The following RIC3 variants were observed in gnomAD, a reference collection of about 807,000 sequenced individuals.
The protein encoded by RIC3 is protein RIC-3.
A neutral mutation model predicts 27.3 loss-of-function variants in RIC3; 28 were observed. The ratio of observed to expected loss-of-function variants is 1.02; its 90% confidence interval spans 0.76 to 1.41. The LOEUF is 1.41. Ranked by LOEUF, RIC3 falls within the 40% of genes most tolerant of loss-of-function variation. RIC3 has a pLI of 0.00. For missense variants in RIC3, 501 were observed against 444.7 expected, an observed-to-expected ratio of 1.13 and a Z score of -1.14; for synonymous variants, 184 against 160.4, an observed-to-expected ratio of 1.15 and a Z score of -1.11.
In RIC3 at chr11:8,106,612, A is replaced by C. The variant is rs1944691940; in HGVS notation, c.*4086T>G. On this transcript the variant is annotated 3_prime_UTR_variant, in exon 6 of 6. Coordinates refer to ENST00000309737, the MANE Select transcript of RIC3 (RefSeq NM_001206671.4). ...GCTGTAGAGATGAAAAAGGTATAAA[A>C]GACCCAACCACTTGATGTCTCAGGG... 1 of 152,288 alleles carries C rather than the reference A, an allele frequency of 6.6e-6. No individual in the cohort carries two copies. Among genetic ancestry groups the C allele is most frequent in the African/African-American group, 2.4e-5 (1 of 41,474 alleles). The allele number at this position is 152,288 out of a possible 1,614,324, so 9.4% of individuals were successfully genotyped here. A position where few individuals can be genotyped will look rare whatever the true frequency, so the allele number is the denominator to read the frequency against.
At chr11:8,098,581 C>A in the RIC3 span, among the ~76,000 whole-genome samples, 1 of 152,214 alleles carries the variant, frequency 6.6e-6, no homozygotes, top group Non-Finnish European at 1.5e-5. Flanking sequence ...CAAGTCCAGG[C>A]CTTCTGCCCA....
At position 8,140,139 on chromosome 11, in the gene RIC3, C is replaced by T. The variant is rs1948885741; in HGVS notation, c.179G>A (p.Gly60Asp). ...MMHHHQAPSD[G>D]QTPGARFQRS... ...CTGGAAACGAGCCCCAGGAGTCTGG[C>T]CATCTGAGGGTGCCTGGTGATGATG... Residue 60 changes from glycine (G) to aspartate (D), a missense_variant, in exon 2 of 6, where the codon GGC (glycine) becomes GAC (aspartate). Physicochemically the swap from Gly to Asp is moderately conservative, Grantham distance 94. Transcript: ENST00000309737. 3 of 1,614,044 alleles carry T rather than the reference C, an allele frequency of 1.9e-6. No homozygotes were observed. Among genetic ancestry groups the T allele is most frequent in the Non-Finnish European group, 1.7e-6 (2 of 1,180,012 alleles).
intron 4 of RIC3, among the ~76,000 whole-genome samples, chr11:8,131,358 G>A (rs2133741586): frequency 6.6e-6 from 1 of 152,290 alleles, no homozygotes; most frequent in Non-Finnish European, 1.5e-5. Context: ...TCTGCTTTGG[G>A]CAACCAAGTG....
At chr11:8,128,184 G>T in intron 4 of RIC3, 1 of 457,258 alleles carries the variant, frequency 2.2e-6, no homozygotes, top group Non-Finnish European at 4.4e-6. Flanking sequence ...AACCCACTTT[G>T]TGTGAGGCTT....
intron 1 of RIC3, among the ~76,000 whole-genome samples, chr11:8,154,894 A>C (rs1402654463): frequency 1.3e-5 from 2 of 152,194 alleles, no homozygotes; most frequent in African/African-American, 4.8e-5. Context: ...GTAAAAGGGA[A>C]CATGACTAAA....
chr11:8,111,957 A>C (rs1216226216), intron 5 of RIC3, among the ~76,000 whole-genome samples: 1 of 152,254 alleles, frequency 6.6e-6, no homozygotes. Context: ...CGTAATCACG[A>C]TACAGTGCAG....
intron 4 of RIC3, among the ~76,000 whole-genome samples, chr11:8,134,760 T>A (rs1198951680): frequency 6.6e-6 from 1 of 152,204 alleles, no homozygotes; most frequent in African/African-American, 2.4e-5. Context: ...TGATGAGCAT[T>A]TTTTCATGTG....
chr11:8,121,500 G>C (rs968886977), intron 5 of RIC3, among the ~76,000 whole-genome samples: 1 of 152,036 alleles, frequency 6.6e-6, no homozygotes, highest in Admixed American at 6.6e-5. Context: ...CAGATCGCTT[G>C]AGGCCAGGAG....
chr11:8,157,966 G>A (rs778267161), intron 1 of RIC3, among the ~76,000 whole-genome samples: 9 of 152,064 alleles, frequency 5.9e-5, no homozygotes, highest in Non-Finnish European at 1.0e-4. Flanking sequence ...AAATCAAAAT[G>A]ATTTCCTAAT....
intron 1 of RIC3, among the ~76,000 whole-genome samples, chr11:8,155,218 TAAA>T (rs61400460): frequency 4.1e-5 from 5 of 121,004 alleles, no homozygotes; most frequent in Admixed American, 8.5e-5. Flanking sequence ...GACCCCATCT[TAAA>T]AAAAAAAAAA....
chr11:8,095,744 C>CCTTCG, the RIC3 span: 1 of 1,451,004 alleles, frequency 6.9e-7, no homozygotes, highest in East Asian at 2.5e-5. Flanking sequence ...GGGAGCATGG[C>CCTTCG]CTTCCTGTGT....
intron 5 of RIC3, among the ~76,000 whole-genome samples, chr11:8,121,737 C>T (rs1364174081): frequency 6.6e-6 from 1 of 151,954 alleles, no homozygotes; most frequent in Non-Finnish European, 1.5e-5. Context: ...ATAATAATAA[C>T]TTTTTTCAAT....
At chr11:8,118,870 CA>C (rs71059152) in intron 5 of RIC3, among the ~76,000 whole-genome samples, 47 of 137,010 alleles carry the variant, frequency 3.4e-4, no homozygotes, top group South Asian at 4.5e-4. Flanking sequence ...GACTCCATCT[CA>C]AAAAAAAAAA....
downstream of RIC3, chr11:8,104,521 G>A (rs1438279231): frequency 1.3e-5 from 2 of 152,244 alleles, no homozygotes; most frequent in Non-Finnish European, 2.9e-5. Flanking sequence ...TCCTGAGAAT[G>A]AATGAGTAGG....
chr11:8,148,829 T>C (rs1049997493), intron 1 of RIC3, among the ~76,000 whole-genome samples: 1 of 151,932 alleles, frequency 6.6e-6, no homozygotes, highest in African/African-American at 2.4e-5. Flanking sequence ...TCAAGGACCT[T>C]TTTACTAGAT....
chr11:8,096,978 T>C, the RIC3 span, among the ~76,000 whole-genome samples: 1 of 152,196 alleles, frequency 6.6e-6, no homozygotes, highest in Non-Finnish European at 1.5e-5. Flanking sequence ...GGGTGATGTA[T>C]GGGGGGAGAT....
At chr11:8,115,950 A>G (rs1564972035) in intron 5 of RIC3, among the ~76,000 whole-genome samples, 1 of 152,218 alleles carries the variant, frequency 6.6e-6, no homozygotes, top group Non-Finnish European at 1.5e-5. Flanking sequence ...GCAATTGTGA[A>G]CAAAAAGAAC....
chr11:8,122,860 T>C (rs1946605850), intron 5 of RIC3, among the ~76,000 whole-genome samples: 1 of 78,022 alleles, frequency 1.3e-5, no homozygotes, highest in African/African-American at 5.6e-5. Context: ...ACCTACCAGG[T>C]ATGCAAAAAA....
At chr11:8,124,074 A>G (rs1410015521) in intron 5 of RIC3, among the ~76,000 whole-genome samples, 2 of 150,198 alleles carry the variant, frequency 1.3e-5, no homozygotes, top group Non-Finnish European at 3.0e-5. Context: ...GAAAAAAAAA[A>G]GAAAGAAAGA....
Sources: gnomAD v4.1 joint callset for allele counts (sites outside exome capture counted in the v4.1 genomes callset) on GRCh38, gnomAD v4.1.1 for gene constraint, MANE v1.5 for transcripts, NCBI Gene and HGNC (gene_info 2026-07-23, HGNC 2026-07-21) for gene names.